The following OSBPL6 variants were observed in gnomAD, a reference collection of about 807,000 sequenced individuals.
The protein encoded by OSBPL6 is oxysterol-binding protein-related protein 6.
In OSBPL6, 49 loss-of-function variants were observed where a neutral mutation model predicts 125.8. The ratio of observed to expected loss-of-function variants is 0.39; its 90% CI spans 0.31 to 0.49. The LOEUF (loss-of-function observed/expected upper bound fraction) is 0.49. Ranked by LOEUF, OSBPL6 falls within the 20% of genes least tolerant of loss-of-function variation. The pLI is 0.88. For missense variants in OSBPL6, 986 were observed against 1,135.4 expected (o/e 0.87, Z 1.89); for synonymous variants, 394 against 391.8 (o/e 1.01, Z -0.07).
At chr2:178,318,774 G>A (rs183554182) in intron 3 of OSBPL6, among the ~76,000 whole-genome samples, 65 of 152,300 alleles carry the variant, frequency 4.3e-4, no homozygotes, top group African/African-American at 1.4e-3. Flanking sequence ...TGGAAGGCAC[G>A]GCTTCCTCAC....
intron 9 of OSBPL6, among the ~76,000 whole-genome samples, chr2:178,338,233 C>T (rs950291176): frequency 1.3e-5 from 2 of 151,884 alleles, no homozygotes; most frequent in Non-Finnish European, 2.9e-5. Flanking sequence ...GCACCCAGCC[C>T]AATATTCTTG....
chr2:178,250,147 G>A (rs2091642378), intron 1 of OSBPL6, among the ~76,000 whole-genome samples: 1 of 152,198 alleles, frequency 6.6e-6, no homozygotes, highest in South Asian at 2.1e-4. Flanking sequence ...TAACAGCTAT[G>A]CTGATGCCGT....
At chr2:178,234,799 C>T (rs900970062) in intron 1 of OSBPL6, among the ~76,000 whole-genome samples, 7 of 152,146 alleles carry the variant, frequency 4.6e-5, no homozygotes, top group African/African-American at 1.4e-4. Context: ...GTACCTATTA[C>T]GAAACCCATT....
chr2:178,352,695 A>C (rs1192228510), intron 12 of OSBPL6, among the ~76,000 whole-genome samples: 3 of 152,232 alleles, frequency 2.0e-5, no homozygotes, highest in Non-Finnish European at 2.9e-5. Flanking sequence ...CAACTTCTGC[A>C]GACTTAAACG....
chr2:178,342,210 GT>G (rs1460207920), intron 11 of OSBPL6, among the ~76,000 whole-genome samples: 1 of 152,078 alleles, frequency 6.6e-6, no homozygotes, highest in Non-Finnish European at 1.5e-5. Context: ...CTCATTTTCT[GT>G]CCCCACTCTT....
chr2:178,206,498 A>G (rs1574478900), intron 1 of OSBPL6, among the ~76,000 whole-genome samples: 1 of 152,354 alleles, frequency 6.6e-6, no homozygotes. Context: ...AAGATGAAGA[A>G]AGGGATAGAA....
At chr2:178,356,271 T>G in intron 12 of OSBPL6, among the ~76,000 whole-genome samples, 1 of 152,154 alleles carries the variant, frequency 6.6e-6, no homozygotes, top group South Asian at 2.1e-4. Flanking sequence ...TAAAGGGTAT[T>G]CAATTAGGAA....
chr2:178,249,655 C>G (rs2091617728), intron 1 of OSBPL6, among the ~76,000 whole-genome samples: 1 of 152,120 alleles, frequency 6.6e-6, no homozygotes, highest in South Asian at 2.1e-4. Flanking sequence ...TCTATGTAGG[C>G]TCATTTCTTG....
chr2:178,227,957 C>T (rs181915961), intron 1 of OSBPL6, among the ~76,000 whole-genome samples: 12 of 152,080 alleles, frequency 7.9e-5, no homozygotes, highest in Admixed American at 6.6e-4. Flanking sequence ...GCCTTCATGA[C>T]CCACATGTGA....
intron 2 of OSBPL6, among the ~76,000 whole-genome samples, chr2:178,296,058 A>T (rs13382421): frequency 0.35 from 52,699 of 151,860 alleles, 10,263 homozygotes; most frequent in East Asian, 0.5. Context: ...ACTATTCCCT[A>T]GTTTTGTTGG....
Position 178,327,662 on chromosome 2 carries a change from G to A in OSBPL6, c.196-594G>A, listed in dbSNP as rs1688810959. Reference sequence around the variant, plus strand: ...TCACTACTAAGAAATGCAACCCAGGGGCTCCCAGGGGCATGTGTATCTTTG... The same window carrying A: ...TCACTACTAAGAAATGCAACCCAGGAGCTCCCAGGGGCATGTGTATCTTTG... On this transcript the variant is annotated intron_variant, in intron 4 of 24. Coordinates refer to ENST00000190611, the MANE Select transcript of OSBPL6 (RefSeq NM_032523.4). 2.0e-5 allele frequency among the ~76,000 whole-genome samples: 3 copies of A among 151,102 alleles called. No individual in the cohort carries two copies. The South Asian group carries it at 6.3e-4, about 32-fold the overall frequency.
chr2:178,346,846 G>C (rs889564473), intron 11 of OSBPL6, among the ~76,000 whole-genome samples: 3 of 151,920 alleles, frequency 2.0e-5, no homozygotes, highest in African/African-American at 7.3e-5. Context: ...AATTAAAATG[G>C]CCCATTCCAC....
chr2:178,247,084 C>T (rs763746507), intron 1 of OSBPL6, among the ~76,000 whole-genome samples: 1 of 135,466 alleles, frequency 7.4e-6, no homozygotes, highest in Non-Finnish European at 1.5e-5. Context: ...TTAATAATTT[C>T]CTGCTTTTGT....
intron 3 of OSBPL6, among the ~76,000 whole-genome samples, chr2:178,316,383 T>A (rs551277721): frequency 6.6e-6 from 1 of 152,250 alleles, no homozygotes; most frequent in Non-Finnish European, 1.5e-5. Flanking sequence ...AGTATTTTTA[T>A]AGTGGTAAAA....
chr2:178,392,604 C>A, intron 23 of OSBPL6, 66 bp downstream of exon 23: 2 of 1,567,952 alleles, frequency 1.3e-6, no homozygotes, highest in Non-Finnish European at 8.6e-7. Flanking sequence ...GCCTATAATC[C>A]CAGCACTTTA....
chr2:178,244,700 A>G (rs974131718), intron 1 of OSBPL6, among the ~76,000 whole-genome samples: 13 of 152,196 alleles, frequency 8.5e-5, no homozygotes, highest in Admixed American at 2.6e-4. Flanking sequence ...ACTACTGCTT[A>G]TGCTTATTTC....
intron 1 of OSBPL6, among the ~76,000 whole-genome samples, chr2:178,239,189 A>G (rs1364806030): frequency 6.6e-6 from 1 of 152,172 alleles, no homozygotes; most frequent in African/African-American, 2.4e-5. Flanking sequence ...TACACCCAAA[A>G]TATGTTTATT....
At chr2:178,383,973 T>C (rs1308088631) in intron 17 of OSBPL6, 66 bp from the exon 18 acceptor site, 1 of 1,547,866 alleles carries the variant, frequency 6.5e-7, no homozygotes, top group Admixed American at 1.7e-5. Flanking sequence ...TCTAGAGGGA[T>C]GAGGAACAAA....
intron 1 of OSBPL6, among the ~76,000 whole-genome samples, chr2:178,262,715 A>T (rs947185178): frequency 1.3e-5 from 2 of 152,202 alleles, no homozygotes; most frequent in Non-Finnish European, 2.9e-5. Context: ...GGAAGAGAGA[A>T]ATCTGAATGC....
Sources: gnomAD v4.1 joint callset for allele counts (sites outside exome capture counted in the v4.1 genomes callset) on GRCh38, gnomAD v4.1.1 for gene constraint, MANE v1.5 for transcripts, NCBI Gene and HGNC (gene_info 2026-07-23, HGNC 2026-07-21) for gene names.